Variants in CNTNAP5 observed in about 807,000 individuals in gnomAD.
CNTNAP5 encodes the protein contactin-associated protein-like 5.
In CNTNAP5, 72 loss-of-function variants were observed where a neutral mutation model predicts 150.2. That is an observed-to-expected ratio of 0.48 (90% CI 0.40 to 0.58). The LOEUF is 0.58. CNTNAP5 is among the 20% of genes least tolerant of loss of function. The pLI, the probability that CNTNAP5 is intolerant of heterozygous loss-of-function variation, is 0.00. For synonymous variants in CNTNAP5, 672 were observed against 619.8 expected, an observed-to-expected ratio of 1.08 and a Z score of -1.25; for missense variants, 1,636 against 1,626.2, an observed-to-expected ratio of 1.01 and a Z score of -0.10.
intron 2 of CNTNAP5, among the ~76,000 whole-genome samples, chr2:124,233,785 T>TTA (rs375601691): frequency 0.14 from 21,123 of 147,116 alleles, 1,573 homozygotes; most frequent in South Asian, 0.2. Context: ...GCCTGTGAGT[T>TTA]TATATATATA....
intron 19 of CNTNAP5, among the ~76,000 whole-genome samples, chr2:124,836,517 G>A (rs1052584053): frequency 2.0e-5 from 3 of 152,074 alleles, no homozygotes; most frequent in Admixed American, 6.6e-5. Flanking sequence ...TTTTCTAGGA[G>A]AGGATTCCTG....
chr2:124,491,420 T>C (rs1429257376), intron 7 of CNTNAP5, among the ~76,000 whole-genome samples: 1 of 140,864 alleles, frequency 7.1e-6, no homozygotes, highest in Non-Finnish European at 1.5e-5. Context: ...TTCTTATTTA[T>C]GTATGTGTGT....
chr2:124,244,562 A>G (rs1008686257), intron 3 of CNTNAP5, among the ~76,000 whole-genome samples: 6 of 152,132 alleles, frequency 3.9e-5, no homozygotes, highest in African/African-American at 1.4e-4. Context: ...AGATGCTTGC[A>G]GTGGCTGCAG....
intron 1 of CNTNAP5, among the ~76,000 whole-genome samples, chr2:124,045,426 T>C (rs1177741441): frequency 6.6e-6 from 1 of 151,808 alleles, no homozygotes; most frequent in Non-Finnish European, 1.5e-5. Flanking sequence ...GCCTCCCAAG[T>C]AGCTGGGATT....
chr2:124,658,501 A>G (rs562900725), intron 13 of CNTNAP5, among the ~76,000 whole-genome samples: 1 of 152,234 alleles, frequency 6.6e-6, no homozygotes, highest in African/African-American at 2.4e-5. Context: ...AAACCAAAAA[A>G]AAAAAAAAGA....
At chr2:124,183,359 T>C (rs1685253931) in intron 1 of CNTNAP5, among the ~76,000 whole-genome samples, 1 of 152,218 alleles carries the variant, frequency 6.6e-6, no homozygotes, top group South Asian at 2.1e-4. Context: ...CTTAAAAACC[T>C]TTAATGGTTT....
intron 1 of CNTNAP5, among the ~76,000 whole-genome samples, chr2:124,217,017 G>T (rs1488040538): frequency 6.6e-6 from 1 of 152,242 alleles, no homozygotes; most frequent in South Asian, 2.1e-4. Context: ...CAGTGTAAAA[G>T]TGTTCCTATC....
intron 6 of CNTNAP5, 110 bp downstream of exon 6, chr2:124,447,047 T>C: frequency 9.7e-7 from 1 of 1,028,050 alleles, no homozygotes; most frequent in East Asian, 2.5e-5. Context: ...TGAGGAGTCT[T>C]ACCCTGGGAC....
intron 1 of CNTNAP5, among the ~76,000 whole-genome samples, chr2:124,097,225 T>A (rs531974115): frequency 8.3e-4 from 126 of 152,292 alleles, no homozygotes; most frequent in African/African-American, 3.0e-3. Context: ...GGTTACCTGA[T>A]GTGTCCAGGG....
At chr2:124,091,671 T>C (rs1420462709) in intron 1 of CNTNAP5, among the ~76,000 whole-genome samples, 1 of 152,048 alleles carries the variant, frequency 6.6e-6, no homozygotes, top group Admixed American at 6.6e-5. Context: ...AATGATTGAG[T>C]TTACCTTGGG....
chr2:124,103,598 T>C (rs1291858498), intron 1 of CNTNAP5, among the ~76,000 whole-genome samples: 1 of 152,098 alleles, frequency 6.6e-6, no homozygotes, highest in Non-Finnish European at 1.5e-5. Flanking sequence ...CAATTGACTA[T>C]AGTATTCAGT....
At chr2:124,726,254 G>A (rs1680155080) in intron 13 of CNTNAP5, among the ~76,000 whole-genome samples, 1 of 152,046 alleles carries the variant, frequency 6.6e-6, no homozygotes, top group Non-Finnish European at 1.5e-5. Context: ...CACCCAAATT[G>A]CATCTCAAGT....
intron 13 of CNTNAP5, among the ~76,000 whole-genome samples, chr2:124,694,968 A>G (rs147192462): frequency 2.4e-4 from 37 of 151,916 alleles, no homozygotes; most frequent in Non-Finnish European, 4.9e-4. Context: ...TAATAGCTTT[A>G]GAATACTAGT....
At chr2:124,361,974 A>C (rs1024139479) in intron 3 of CNTNAP5, among the ~76,000 whole-genome samples, 2 of 152,190 alleles carry the variant, frequency 1.3e-5, no homozygotes, top group East Asian at 3.9e-4. Context: ...TCGTGGGCGT[A>C]GGACCCTCTG....
intron 1 of CNTNAP5, among the ~76,000 whole-genome samples, chr2:124,042,502 G>C (rs1407315280): frequency 6.6e-6 from 1 of 152,110 alleles, no homozygotes; most frequent in Admixed American, 6.5e-5. Flanking sequence ...TGGAGGACAT[G>C]GGCACAGTGC....
chr2:124,160,959 G>C (rs1411145126), intron 1 of CNTNAP5, among the ~76,000 whole-genome samples: 1 of 151,912 alleles, frequency 6.6e-6, no homozygotes, highest in African/African-American at 2.4e-5. Context: ...AAAGGCTTTG[G>C]GGTCATCTGC....
chr2:124,124,264 T>C (rs1394298710), intron 1 of CNTNAP5, among the ~76,000 whole-genome samples: 5 of 152,086 alleles, frequency 3.3e-5, no homozygotes, highest in African/African-American at 4.8e-5. Flanking sequence ...ATGTGACGCA[T>C]GTGCAAGCTT....
chr2:124,853,928 A>G (rs940701451), intron 19 of CNTNAP5, among the ~76,000 whole-genome samples: 7 of 152,104 alleles, frequency 4.6e-5, no homozygotes, highest in Non-Finnish European at 1.0e-4. Context: ...CTGTTCCTGC[A>G]TTCGTTTGCT....
intron 3 of CNTNAP5, among the ~76,000 whole-genome samples, chr2:124,407,528 G>C (rs889085586): frequency 6.6e-6 from 1 of 152,130 alleles, no homozygotes; most frequent in Admixed American, 6.5e-5. Context: ...AGTTGCTAGA[G>C]ACTCAATAAC....
Sources: allele counts gnomAD v4.1 joint callset (sites outside exome capture counted in the v4.1 genomes callset), GRCh38; gene constraint gnomAD v4.1.1; transcripts MANE v1.5; gene names NCBI Gene and HGNC (gene_info 2026-07-23, HGNC 2026-07-21).